FAT4: variants seen among roughly 807,000 people sequenced by gnomAD.
FAT4 encodes FAT atypical cadherin 4.
Under a neutral mutation model 303.9 loss-of-function variants are expected in FAT4, and 84 were observed. That is an observed-to-expected ratio of 0.28 (90% CI 0.23 to 0.33). The LOEUF is 0.33. FAT4 is among the 10% of genes least tolerant of loss of function. The probability of loss-of-function intolerance (pLI) is 1.00; values close to 1 mark genes in which losing one functional copy is unlikely to be tolerated. For missense variants in FAT4, 6,005 were observed against 6,146.8 expected, an observed-to-expected ratio of 0.98 and a Z score of 0.77; for synonymous variants, 2,307 against 2,298.8, an observed-to-expected ratio of 1.00 and a Z score of -0.10.
At chr4:125,337,104 T>C (rs1218266530) in intron 2 of FAT4, among the ~76,000 whole-genome samples, 1 of 151,968 alleles carries the variant, frequency 6.6e-6, no homozygotes, top group East Asian at 1.9e-4. Flanking sequence ...TCTTCAATTG[T>C]TATAAATCAC....
At chr4:125,486,018 G>A (rs781105103) in intron 16 of FAT4, among the ~76,000 whole-genome samples, 15 of 152,084 alleles carry the variant, frequency 9.9e-5, no homozygotes, top group Non-Finnish European at 1.9e-4. Flanking sequence ...GTTATAATGG[G>A]AACTTATATT....
chr4:125,331,173 C>T (rs947086928), intron 2 of FAT4, among the ~76,000 whole-genome samples: 2 of 152,176 alleles, frequency 1.3e-5, no homozygotes, highest in African/African-American at 4.8e-5. Context: ...TATGGTGTGC[C>T]TTCCCTTTAG....
chr4:125,328,215 T>A (rs115134428), intron 2 of FAT4, among the ~76,000 whole-genome samples: 1 of 152,202 alleles, frequency 6.6e-6, no homozygotes, highest in Non-Finnish European at 1.5e-5. Context: ...AAGGAGAGTA[T>A]AGGGAATGCA....
rs1010084893 is a variant in FAT4, at chr4:125,316,117, A to G, written c.-13+140A>G. 3.9e-5 allele frequency among the ~76,000 whole-genome samples: 6 copies of G among 152,240 alleles called. No homozygotes were observed. The highest frequency in any genetic ancestry group is 1.4e-4 in the African/African-American group (6 of 41,468). ...ATTCAAAAACAAAGTAAAAGGGGGC[A>G]TATATAAGAGGCTTGAGAAACTTTT... is the stretch of plus-strand genomic sequence containing the variant. On this transcript the variant is annotated intron_variant, in intron 1 of 17. Transcript: ENST00000394329. The surrounding 1 kb of genome is among the most constrained non-coding windows in gnomAD (Gnocchi z 5.7).
intron 13 of FAT4, 70 bp downstream of exon 13, chr4:125,476,326 A>C: frequency 2.6e-6 from 2 of 776,992 alleles, no homozygotes; most frequent in Non-Finnish European, 4.0e-6. Context: ...ATACCTAAAA[A>C]TAATTATAGG....
Position 125,452,264 on chromosome 4 carries a change from C to T in FAT4, c.11254C>T (p.Leu3752=). The part of the protein sequence containing the change: ...QLTGLGTAVQ[L]YSAYEENNRT... Reference sequence around the variant, plus strand: ...GACAGGCTTAGGGACTGCTGTGCAACTGTACAGTGCATATGAAGAGAACAA... The same window carrying T: ...GACAGGCTTAGGGACTGCTGTGCAATTGTACAGTGCATATGAAGAGAACAA... Residue 3752 remains leucine (L), a synonymous_variant, in exon 10 of 18, where the codon CTG becomes TTG. Transcript: ENST00000394329. 1 of 1,614,236 alleles carries T rather than the reference C, an allele frequency of 6.2e-7. No individual in the cohort carries two copies.
chr4:125,339,788 C>T (rs906653510), intron 2 of FAT4, among the ~76,000 whole-genome samples: 1 of 152,052 alleles, frequency 6.6e-6, no homozygotes, highest in African/African-American at 2.4e-5. Flanking sequence ...CAAAATTCAT[C>T]CTTAGCAATA....
chr4:125,384,999 TAC>T (rs1280861673), intron 2 of FAT4, among the ~76,000 whole-genome samples: 6,148 of 109,108 alleles, frequency 0.056, 127 homozygotes, highest in Middle Eastern at 0.085. Context: ...TATATATATA[TAC>T]ATATATATAT....
rs772937155 is a variant in FAT4, at chr4:125,448,499, A to G, written c.7489A>G (p.Ile2497Val). ...TGCGGTTACAGTCACAGATGCTGAT[A>G]TTGGACCAAATTCTGAACTGCATTA... ...VFAVTVTDAD[I>V]GPNSELHYSL... The change falls in exon 10 of 18, where the codon ATT becomes GTT. Residue 2497 changes from isoleucine to valine, a missense_variant. Coordinates refer to ENST00000394329, the MANE Select transcript of FAT4 (RefSeq NM_001291303.3). 3 of 1,612,144 alleles carry G rather than the reference A, an allele frequency of 1.9e-6. No homozygotes were observed. Among genetic ancestry groups the G allele is most frequent in the Non-Finnish European group, 2.5e-6 (3 of 1,178,746 alleles).
chr4:125,348,383 G>T (rs76115417), intron 2 of FAT4, among the ~76,000 whole-genome samples: 3 of 151,670 alleles, frequency 2.0e-5, no homozygotes, highest in South Asian at 2.1e-4. Context: ...TTTATGTAGG[G>T]TGTAAACTTC....
At chr4:125,405,574 G>T (rs1314819669) in intron 3 of FAT4, among the ~76,000 whole-genome samples, 1 of 151,508 alleles carries the variant, frequency 6.6e-6, no homozygotes, top group African/African-American at 2.4e-5. Flanking sequence ...ACAGTGGTGC[G>T]ATCTTGGCTC....
chr4:125,385,632 A>G (rs1733718957), intron 2 of FAT4, among the ~76,000 whole-genome samples: 1 of 152,168 alleles, frequency 6.6e-6, no homozygotes, highest in South Asian at 2.1e-4. Context: ...AGAGTAGTAG[A>G]AAAAAATCAT....
In FAT4 at chr4:125,317,131, G is replaced by T; in HGVS notation, c.720G>T (p.Val240=). The T allele has an allele frequency of 6.2e-7, 1 of 1,613,486 alleles. No individual in the cohort carries two copies. The highest frequency in any genetic ancestry group is 1.1e-5 in the South Asian group (1 of 91,068). ...GCTACCTTCAGGTAAACGTGACTGTGCAAGACATTAATGACAACCCCCCGG... is the reference window on the plus strand; with the variant it reads ...GCTACCTTCAGGTAAACGTGACTGTTCAAGACATTAATGACAACCCCCCGG... ...RRGYLQVNVT[V]QDINDNPPVF... The change falls in exon 2 of 18, where the codon GTG becomes GTT. Residue 240 remains valine (V), a synonymous_variant. Transcript: ENST00000394329. The surrounding 1 kb of genome is among the most constrained non-coding windows in gnomAD (Gnocchi z 7.0).
At chr4:125,432,336 G>A (rs1560605439) in intron 7 of FAT4, among the ~76,000 whole-genome samples, 1 of 152,184 alleles carries the variant, frequency 6.6e-6, no homozygotes, top group Non-Finnish European at 1.5e-5. Context: ...CTAAACTTGA[G>A]CTTACTCATA....
intron 10 of FAT4, among the ~76,000 whole-genome samples, chr4:125,458,021 G>A (rs890448080): frequency 1.3e-5 from 2 of 151,502 alleles, no homozygotes; most frequent in African/African-American, 4.9e-5. Flanking sequence ...CATGGGAATG[G>A]ATGGTGTTAT....
chr4:125,431,005 C>T (rs949941644), intron 7 of FAT4, among the ~76,000 whole-genome samples: 5 of 152,098 alleles, frequency 3.3e-5, no homozygotes, highest in Non-Finnish European at 5.9e-5. Flanking sequence ...TTTTTTACTC[C>T]CCCCAGCATT....
intron 2 of FAT4, among the ~76,000 whole-genome samples, chr4:125,373,596 C>A (rs1051084647): frequency 2.0e-5 from 3 of 152,158 alleles, no homozygotes; most frequent in Non-Finnish European, 4.4e-5. Context: ...AATGCTAATA[C>A]TAATATCAGT....
intron 2 of FAT4, among the ~76,000 whole-genome samples, chr4:125,382,538 G>T (rs1733580864): frequency 1.3e-5 from 2 of 152,136 alleles, no homozygotes; most frequent in Non-Finnish European, 2.9e-5. Flanking sequence ...CTGTCATCCA[G>T]GGTTTGTTGT....
At chr4:125,350,660 C>T (rs2125977565) in intron 2 of FAT4, among the ~76,000 whole-genome samples, 1 of 151,766 alleles carries the variant, frequency 6.6e-6, no homozygotes, top group South Asian at 2.1e-4. Flanking sequence ...CCAGAGCTGG[C>T]CTCCAGGAAG....
Sources: allele counts gnomAD v4.1 joint callset (sites outside exome capture counted in the v4.1 genomes callset), GRCh38; gene constraint gnomAD v4.1.1; non-coding constraint Gnocchi (gnomAD v3.1); transcripts MANE v1.5; gene names NCBI Gene and HGNC (gene_info 2026-07-23, HGNC 2026-07-21).